The following CTDSPL2 variants were observed in gnomAD, a reference collection of about 807,000 sequenced individuals.
The protein encoded by CTDSPL2 is CTD small phosphatase like 2.
Under a neutral mutation model 60.0 loss-of-function variants are expected in CTDSPL2, and 5 were observed. That is an observed-to-expected ratio of 0.08 (90% confidence interval 0.04 to 0.18). The LOEUF (loss-of-function observed/expected upper bound fraction) is 0.18, where lower values mean the gene tolerates loss of function less well. CTDSPL2 is among the 10% of genes least tolerant of loss of function. The probability of loss-of-function intolerance (pLI) is 1.00; values close to 1 mark genes in which losing one functional copy is unlikely to be tolerated. For synonymous variants in CTDSPL2, 186 were observed against 189.3 expected, an observed-to-expected ratio of 0.98 and a Z score of 0.14; for missense variants, 370 against 548.8, an observed-to-expected ratio of 0.67 and a Z score of 3.26.
chr15:44,497,234 C>A, intron 7 of CTDSPL2, 96 bp downstream of exon 7: 2 of 696,686 alleles, frequency 2.9e-6, no homozygotes, highest in Non-Finnish European at 4.7e-6. Context: ...TTGTCAGGAT[C>A]ATGTTTTCCT....
intron 4 of CTDSPL2, 76 bp downstream of exon 4, chr15:44,486,776 T>C (rs1429693691): frequency 1.3e-5 from 14 of 1,105,956 alleles, no homozygotes; most frequent in African/African-American, 6.6e-5. Flanking sequence ...TTTTTTTTTT[T>C]CTTGAGACGA....
At chr15:44,455,448 C>A (rs530124914) in intron 1 of CTDSPL2, among the ~76,000 whole-genome samples, 1 of 152,262 alleles carries the variant, frequency 6.6e-6, no homozygotes, top group South Asian at 2.1e-4. Flanking sequence ...CCAGAACTTC[C>A]AACACTATGT....
chr15:44,519,545 A>G (rs1367295974), intron 11 of CTDSPL2: 1 of 314,266 alleles, frequency 3.2e-6, no homozygotes, highest in Admixed American at 5.3e-5. Flanking sequence ...ATCATTGAAT[A>G]GCATTCTTAT....
At chr15:44,447,218 T>C (rs918859403) in intron 1 of CTDSPL2, among the ~76,000 whole-genome samples, 10 of 152,202 alleles carry the variant, frequency 6.6e-5, no homozygotes, top group Admixed American at 2.6e-4. Flanking sequence ...GAGAAAGCAT[T>C]TATCACAGTG....
rs989227347 is a variant in CTDSPL2 at position 44,525,681 on chromosome 15, G to A, written c.*1507G>A. The A allele has an allele frequency of 7.7e-6, 3 of 391,124 alleles. No individual in the cohort carries two copies. Among genetic ancestry groups the A allele is most frequent in the Admixed American group, 4.4e-5 (1 of 22,612 alleles). The allele number at this position is 391,124 out of a possible 1,614,324, so 24.2% of individuals were successfully genotyped here. ...TACCTGTTTACTTGTACAACTTACT[G>A]TACAAATTACATGCAGCTTCATTTT... On this transcript the variant is annotated 3_prime_UTR_variant, in exon 13 of 13. Transcript: ENST00000260327.
At chr15:44,456,432 C>T (rs915711767) in intron 1 of CTDSPL2, among the ~76,000 whole-genome samples, 1 of 152,170 alleles carries the variant, frequency 6.6e-6, no homozygotes, top group African/African-American at 2.4e-5. Flanking sequence ...TGTTATTGTT[C>T]TATTCAGAGA....
intron 1 of CTDSPL2, among the ~76,000 whole-genome samples, chr15:44,441,784 C>T (rs1292505973): frequency 2.0e-5 from 3 of 152,110 alleles, no homozygotes; most frequent in Non-Finnish European, 4.4e-5. Flanking sequence ...GGCATTCTTT[C>T]TGGCTTTCTG....
Position 44,486,579 on chromosome 15 carries a change from A to G in CTDSPL2, c.354A>G (p.Gln118=). The change falls in exon 4 of 13, where the codon CAA becomes CAG. Residue 118 remains glutamine (Q), a synonymous_variant. Coordinates refer to ENST00000260327, the MANE Select transcript of CTDSPL2 (RefSeq NM_016396.3). ...CTGGTAGTTATGAAATGACAAATCA[A>G]CATGTAAAACAAAATGGAAAATTAG... The part of the protein sequence containing the change: ...GEAGSYEMTN[Q]HVKQNGKLED... The G allele has an allele frequency of 1.3e-6, 2 of 1,582,940 alleles. No homozygotes were observed. The highest frequency in any genetic ancestry group is 1.7e-6 in the Non-Finnish European group (2 of 1,167,858).
intron 1 of CTDSPL2, among the ~76,000 whole-genome samples, chr15:44,444,020 A>G (rs1418857545): frequency 2.6e-5 from 4 of 151,928 alleles, no homozygotes; most frequent in African/African-American, 9.7e-5. Flanking sequence ...CTCCCACCTC[A>G]GCTTCCCAAG....
At position 44,473,837 on chromosome 15, in the gene CTDSPL2, A is replaced by G. The variant is rs536985993; in HGVS notation, c.187-10387A>G. Among the ~76,000 whole-genome samples the G allele has an allele frequency of 2.0e-5, 3 of 152,306 alleles. No individual in the cohort carries two copies. The East Asian group carries it at 5.8e-4, about 29-fold the overall frequency. On this transcript the variant is annotated intron_variant, in intron 2 of 12. Transcript: ENST00000260327. ...TTCCCTTGCTCACATTCTTACCAGT[A>G]TTTGATATTGTAAGTCTTTTTAACT...
chr15:44,444,053 G>A (rs1041712892), intron 1 of CTDSPL2, among the ~76,000 whole-genome samples: 3 of 151,676 alleles, frequency 2.0e-5, no homozygotes, highest in African/African-American at 7.3e-5. Context: ...CTGTAGGTGT[G>A]CACCATCATG....
At position 44,486,557 on chromosome 15, in the gene CTDSPL2, G is replaced by T; in HGVS notation, c.332G>T (p.Gly111Val). 1.3e-6 allele frequency: 2 copies of T among 1,540,368 alleles called. No individual in the cohort carries two copies. The highest frequency in any genetic ancestry group is 2.3e-5 in the East Asian group (1 of 42,588). ...TTTCTTGTTTCTTTTTTAGAAGCTG[G>T]TAGTTATGAAATGACAAATCAACAT... Reference protein sequence around the residue: ...RRKSQVNGEAGSYEMTNQHVK... With the variant: ...RRKSQVNGEAVSYEMTNQHVK... The change falls in exon 4 of 13, where the codon GGT becomes GTT. Residue 111 changes from glycine (G) to valine (V), a missense_variant. Physicochemically the swap from Gly to Val is moderately radical, Grantham distance 109. Around this residue, in one of 6 missense-constraint regions of CTDSPL2, gnomAD observed 287 missense variants for 296.1 expected, o/e 0.97. Coordinates refer to ENST00000260327, the MANE Select transcript of CTDSPL2 (RefSeq NM_016396.3).
chr15:44,440,659 A>AT (rs145844391), intron 1 of CTDSPL2, among the ~76,000 whole-genome samples: 4,572 of 150,362 alleles, frequency 0.03, 242 homozygotes, highest in African/African-American at 0.11. Context: ...TGGTTTTTAA[A>AT]TTTTTTTTTT....
intron 2 of CTDSPL2, among the ~76,000 whole-genome samples, chr15:44,471,824 A>T (rs866011387): frequency 2.0e-5 from 3 of 151,714 alleles, no homozygotes; most frequent in Non-Finnish European, 4.4e-5. Flanking sequence ...GTCTCTATGG[A>T]TTTTGCTATA....
rs1000863441 is a variant in CTDSPL2, at chr15:44,497,018, G to C, written c.771-9G>C. 7 of 1,512,292 alleles carry C rather than the reference G, an allele frequency of 4.6e-6. No individual in the cohort carries two copies. Among genetic ancestry groups the C allele is most frequent in the East Asian group, 2.3e-5 (1 of 44,210 alleles). 93.7% of individuals were successfully genotyped at this position (1,512,292 alleles called of 1,614,324 possible). On this transcript the variant is annotated splice_polypyrimidine_tract_variant and intron_variant, in intron 6 of 12. Coordinates refer to ENST00000260327, the MANE Select transcript of CTDSPL2 (RefSeq NM_016396.3). The stretch of plus-strand genomic sequence containing the variant: ...AAATGTTGAAATTTTCTTAAAATCT[G>C]ATTTATAGCTATTATTTCATCAAAC...
Position 44,524,407 on chromosome 15 carries a change from C to T in CTDSPL2, c.*233C>T, listed in dbSNP as rs2081840388. 1 of 465,322 alleles carries T rather than the reference C, an allele frequency of 2.1e-6. No homozygotes were observed. The highest frequency in any genetic ancestry group is 2.0e-5 in the African/African-American group (1 of 50,406). The allele number at this position is 465,322 out of a possible 1,614,324, so 28.8% of individuals were successfully genotyped here. A position where few individuals can be genotyped will look rare whatever the true frequency, so the allele number is the denominator to read the frequency against. ...AAGAGTCTTTAGAACTAGTGCAACT[C>T]CAGTGAAATTTTTTATGTACAGGAC... On this transcript the variant is annotated 3_prime_UTR_variant, in exon 13 of 13. Coordinates refer to ENST00000260327, the MANE Select transcript of CTDSPL2 (RefSeq NM_016396.3).
At chr15:44,469,190 C>A (rs2080756374) in intron 2 of CTDSPL2, among the ~76,000 whole-genome samples, 1 of 152,184 alleles carries the variant, frequency 6.6e-6, no homozygotes, top group African/African-American at 2.4e-5. Context: ...TGGTTTCAGA[C>A]AACCACTGGA....
rs745564737 is a variant in CTDSPL2, at chr15:44,490,743, G to A, written c.476-41G>A. 6 of 1,479,536 alleles carry A rather than the reference G, an allele frequency of 4.1e-6. No individual in the cohort carries two copies. In the East Asian group the frequency reaches 1.4e-4, roughly 33 times the overall value. 91.7% of individuals were successfully genotyped at this position (1,479,536 alleles called of 1,614,324 possible). A position where few individuals can be genotyped will look rare whatever the true frequency, so the allele number is the denominator to read the frequency against. On this transcript the variant is annotated intron_variant, in intron 4 of 12. Coordinates refer to ENST00000260327, the MANE Select transcript of CTDSPL2 (RefSeq NM_016396.3). Reference sequence around the variant, plus strand: ...CTGCATTTAGTTTTTCTAAATAGGTGCATTTTTAAATGATGATAGTACACT... The same window carrying A: ...CTGCATTTAGTTTTTCTAAATAGGTACATTTTTAAATGATGATAGTACACT...
chr15:44,438,535 T>C (rs2080022243), intron 1 of CTDSPL2, among the ~76,000 whole-genome samples: 1 of 152,176 alleles, frequency 6.6e-6, no homozygotes, highest in Non-Finnish European at 1.5e-5. Flanking sequence ...ATGTTTAGGA[T>C]GGCTTCTAAG....
Sources: gnomAD v4.1 joint callset for allele counts (sites outside exome capture counted in the v4.1 genomes callset) on GRCh38, gnomAD v4.1.1 for gene constraint, gnomAD v4.1.1 regional missense constraint, MANE v1.5 for transcripts, NCBI Gene and HGNC (gene_info 2026-07-23, HGNC 2026-07-21) for gene names.